The following GNAS-AS1 variants were observed in gnomAD, a reference collection of about 807,000 sequenced individuals.
The protein encoded by GNAS-AS1 is GNAS antisense RNA 1, also known as GNAS antisense RNA 1 (non-protein coding).
chr20:58,839,634 C>T (rs1262781283), intron 4 of GNAS-AS1: 2 of 428,140 alleles, frequency 4.7e-6, no homozygotes, highest in East Asian at 3.4e-5. Context: ...GCCACAGGCT[C>T]GGCGCCACCA....
chr20:58,821,004 C>T (rs957797506), intron 4 of GNAS-AS1, among the ~76,000 whole-genome samples: 5 of 152,228 alleles, frequency 3.3e-5, no homozygotes, highest in Admixed American at 6.5e-5. Context: ...CTGCTCTCCC[C>T]GCTCTCTTCT....
At chr20:58,847,836 T>G in intron 2 of GNAS-AS1, among the ~76,000 whole-genome samples, 1 of 152,150 alleles carries the variant, frequency 6.6e-6, no homozygotes, top group East Asian at 1.9e-4. Context: ...TACCTAAACT[T>G]GAGATATGCC....
In GNAS-AS1 at chr20:58,841,906, G is replaced by A. The variant is rs1280845106; in HGVS notation, n.819+31C>T. ...GCGGAACAAGGGACAGGCTGGAGAC[G>A]GGGGTCGCGTCTAACATCAGGATAA... On this transcript the variant is annotated intron_variant and non_coding_transcript_variant, in intron 4 of 4. Coordinates refer to ENST00000424094, the Ensembl canonical transcript of GNAS-AS1. This position sits in a 1 kb window ranked among gnomAD's most constrained non-coding sequence, Gnocchi z 5.0. 3.3e-6 allele frequency: 4 copies of A among 1,227,880 alleles called. No homozygotes were observed. Among genetic ancestry groups the A allele is most frequent in the East Asian group, 3.2e-5 (1 of 31,702 alleles). 76.1% of individuals were successfully genotyped at this position (1,227,880 alleles called of 1,614,324 possible).
rs2085731837 is a variant in GNAS-AS1, at chr20:58,841,619, C to G, written n.819+318G>C. ...CAAAGAGCGTGCGCACCTGCCCGCGCGCGCCGGAGCTGACCTCTCCCGGCG... is the reference window on the plus strand; with the variant it reads ...CAAAGAGCGTGCGCACCTGCCCGCGGGCGCCGGAGCTGACCTCTCCCGGCG... On this transcript the variant is annotated intron_variant and non_coding_transcript_variant, in intron 4 of 4. Transcript: ENST00000424094. The surrounding 1 kb of genome is among the most constrained non-coding windows in gnomAD (Gnocchi z 5.0). The G allele has an allele frequency of 1.9e-6, 2 of 1,056,170 alleles. No individual in the cohort carries two copies. The highest frequency in any genetic ancestry group is 3.3e-5 in the African/African-American group (2 of 60,042). The allele number at this position is 1,056,170 out of a possible 1,614,324, so 65.4% of individuals were successfully genotyped here. A position where few individuals can be genotyped will look rare whatever the true frequency, so the allele number is the denominator to read the frequency against.
Position 58,840,395 on chromosome 20 carries a change from C to T in GNAS-AS1, n.819+1542G>A. 6.2e-7 allele frequency: 1 copy of T among 1,613,544 alleles called. No individual in the cohort carries two copies. Among genetic ancestry groups the T allele is most frequent in the East Asian group, 2.2e-5 (1 of 44,852 alleles). ...CGAGGAGGCAGACCTTGAGCTGTCC[C>T]TCCCCGAGTGCCTAGAGTACGAGGA... On this transcript the variant is annotated intron_variant and non_coding_transcript_variant, in intron 4 of 4. Coordinates refer to ENST00000424094, the Ensembl canonical transcript of GNAS-AS1. The surrounding 1 kb of genome is among the most constrained non-coding windows in gnomAD (Gnocchi z 6.0).
Position 58,834,110 on chromosome 20 carries a change from C to T in GNAS-AS1, n.819+7827G>A, listed in dbSNP as rs1239271396. ...CCCCTCCGGGCTCGAGGCGCGCTCG[C>T]TCTCTCCCTCCCAGAAGTCTGATGG... On this transcript the variant is annotated intron_variant and non_coding_transcript_variant, in intron 4 of 4. Transcript: ENST00000424094. The T allele has an allele frequency of 2.0e-5, 3 of 152,216 alleles. No homozygotes were observed. The East Asian group carries it at 5.8e-4, about 29-fold the overall frequency. 9.4% of individuals were successfully genotyped at this position (152,216 alleles called of 1,614,324 possible). A position where few individuals can be genotyped will look rare whatever the true frequency, so the allele number is the denominator to read the frequency against.
chr20:58,848,663 C>T (rs2086034984), intron 2 of GNAS-AS1, among the ~76,000 whole-genome samples: 1 of 152,150 alleles, frequency 6.6e-6, no homozygotes, highest in East Asian at 1.9e-4. Context: ...AATTATCAGC[C>T]TTCAGGAGGA....
intron 4 of GNAS-AS1, among the ~76,000 whole-genome samples, chr20:58,820,612 A>G (rs1312490701): frequency 1.3e-5 from 2 of 152,222 alleles, no homozygotes; most frequent in Admixed American, 1.3e-4. Flanking sequence ...CAAACCTGAG[A>G]CTGGGCAATT....
intron 4 of GNAS-AS1, among the ~76,000 whole-genome samples, chr20:58,834,873 C>G (rs1314470456): frequency 6.6e-6 from 1 of 152,204 alleles, no homozygotes; most frequent in African/African-American, 2.4e-5. Context: ...ATGGCCTGGA[C>G]AGAAACCAGC....
At chr20:58,847,397 G>A (rs746228770) in intron 2 of GNAS-AS1, among the ~76,000 whole-genome samples, 3 of 152,206 alleles carry the variant, frequency 2.0e-5, no homozygotes, top group East Asian at 1.9e-4. Context: ...CGGCCAAGGC[G>A]GGCAGAGGAG....
At chr20:58,847,173 G>A (rs1356442649) in intron 2 of GNAS-AS1, among the ~76,000 whole-genome samples, 2 of 152,234 alleles carry the variant, frequency 1.3e-5, no homozygotes, top group Non-Finnish European at 2.9e-5. Context: ...GCTGAGTGAA[G>A]GGGTCTGAAC....
chr20:58,821,154 C>T (rs1471549468), intron 4 of GNAS-AS1, among the ~76,000 whole-genome samples: 1 of 152,240 alleles, frequency 6.6e-6, no homozygotes, highest in African/African-American at 2.4e-5. Flanking sequence ...GCTGCCTCCT[C>T]AGCTACCCCA....
intron 2 of GNAS-AS1, among the ~76,000 whole-genome samples, chr20:58,844,393 A>G (rs924470102): frequency 1.1e-4 from 16 of 152,160 alleles, no homozygotes; most frequent in Non-Finnish European, 1.5e-5. Flanking sequence ...AGAATGAGAG[A>G]TGGAATTTCT....
At position 58,839,835 on chromosome 20, in the gene GNAS-AS1, G is replaced by A. The variant is rs577379485; in HGVS notation, n.819+2102C>T. ...TGCGGAATCTAAGACTCAGCGAGAGGAGCCCGGGAGGAGACAGAACTTTCC... is the reference window on the plus strand; with the variant it reads ...TGCGGAATCTAAGACTCAGCGAGAGAAGCCCGGGAGGAGACAGAACTTTCC... On this transcript the variant is annotated intron_variant and non_coding_transcript_variant, in intron 4 of 4. Transcript: ENST00000424094. The A allele has an allele frequency of 5.7e-4, 340 of 594,222 alleles. 3 individuals carry two copies. In the African/African-American group the frequency reaches 5.8e-3, roughly 10 times the overall value. The allele number at this position is 594,222 out of a possible 1,614,324, so 36.8% of individuals were successfully genotyped here. A position where few individuals can be genotyped will look rare whatever the true frequency, so the allele number is the denominator to read the frequency against.
chr20:58,835,120 G>A lies in GNAS-AS1; in HGVS notation n.819+6817C>T, dbSNP rs144072293. Among the ~76,000 whole-genome samples the A allele has an allele frequency of 2.2e-3, 338 of 152,118 alleles. 4 individuals carry two copies. Among genetic ancestry groups the A allele is most frequent in the Non-Finnish European group, 3.9e-3 (262 of 68,002 alleles). ...CGGGAGGGGCCAATACCAAATTCTC[G>A]GTGGGGTTGAGCCTTACTGGCTGAT... On this transcript the variant is annotated intron_variant and non_coding_transcript_variant, in intron 4 of 4. Transcript: ENST00000424094.
chr20:58,834,059 A>G (rs1449756453), intron 4 of GNAS-AS1: 1 of 152,196 alleles, frequency 6.6e-6, no homozygotes, highest in East Asian at 1.9e-4. Context: ...GCGTGTGCCT[A>G]AACCGTGACA....
At chr20:58,830,446 C>CCA (rs1433805702) in intron 4 of GNAS-AS1, among the ~76,000 whole-genome samples, 23 of 107,256 alleles carry the variant, frequency 2.1e-4, no homozygotes, top group South Asian at 3.5e-4. Context: ...ATCATTACCA[C>CCA]CACCACCATC....
At chr20:58,831,648 AAAAC>A (rs1358342994) in intron 4 of GNAS-AS1, among the ~76,000 whole-genome samples, 1 of 152,230 alleles carries the variant, frequency 6.6e-6, no homozygotes, top group Non-Finnish European at 1.5e-5. Flanking sequence ...AAAAAAAACA[AAAAC>A]AAAAAAAGAT....
At chr20:58,825,317 A>G (rs1288787651) in intron 4 of GNAS-AS1, among the ~76,000 whole-genome samples, 1 of 152,190 alleles carries the variant, frequency 6.6e-6, no homozygotes, top group Admixed American at 6.5e-5. Flanking sequence ...CTAGAAGACC[A>G]TCTCTCACCA....
Sources: allele counts gnomAD v4.1 joint callset (sites outside exome capture counted in the v4.1 genomes callset), GRCh38; gene constraint gnomAD v4.1.1; non-coding constraint Gnocchi (gnomAD v3.1); transcripts MANE v1.5; gene names NCBI Gene and HGNC (gene_info 2026-07-23, HGNC 2026-07-21).